Variants in ARHGEF3 observed in about 807,000 individuals in gnomAD.
ARHGEF3 encodes the protein Rho guanine nucleotide exchange factor 3, also known as 59.8 kDA protein.
ARHGEF3 carries 28 observed loss-of-function variants against 63.2 expected under a neutral mutation model. The ratio of observed to expected loss-of-function variants is 0.44; its 90% CI spans 0.33 to 0.61. ARHGEF3 has a LOEUF of 0.61. ARHGEF3 is among the 20% of genes least tolerant of loss of function. The probability of loss-of-function intolerance (pLI) is 0.03; values close to 1 mark genes in which losing one functional copy is unlikely to be tolerated. For missense variants in ARHGEF3, 533 were observed against 659.3 expected (o/e 0.81, Z 2.10); for synonymous variants, 266 against 254.2 (o/e 1.05, Z -0.44).
chr3:56,846,017 T>C (rs1420466633), intron 4 of ARHGEF3, among the ~76,000 whole-genome samples: 3 of 152,240 alleles, frequency 2.0e-5, no homozygotes, highest in African/African-American at 4.8e-5. Flanking sequence ...GCTCTCTCGC[T>C]GCTTTAAGGA....
At chr3:57,042,688 A>ATTTTTTTT (rs1560156283) in intron 1 of ARHGEF3, among the ~76,000 whole-genome samples, 4 of 8,858 alleles carry the variant, frequency 4.5e-4, no homozygotes, top group South Asian at 4.5e-3. Context: ...ATATATATAT[A>ATTTTTTTT]TATATATATA....
At chr3:57,067,729 C>T (rs1705634850) in intron 1 of ARHGEF3, among the ~76,000 whole-genome samples, 2 of 151,096 alleles carry the variant, frequency 1.3e-5, no homozygotes, top group Admixed American at 1.3e-4. Flanking sequence ...TGCCTGTAAT[C>T]CCAGCACTTT....
chr3:56,858,810 G>A (rs983133298), intron 4 of ARHGEF3, among the ~76,000 whole-genome samples: 1 of 152,138 alleles, frequency 6.6e-6, no homozygotes, highest in African/African-American at 2.4e-5. Flanking sequence ...GAGGGTGGAG[G>A]GAAATGAGGT....
chr3:57,020,890 T>G (rs1341227532), intron 2 of ARHGEF3, among the ~76,000 whole-genome samples: 1 of 152,192 alleles, frequency 6.6e-6, no homozygotes, highest in Non-Finnish European at 1.5e-5. Flanking sequence ...GAATCCTAAG[T>G]CTCTTAGTTA....
intron 2 of ARHGEF3, among the ~76,000 whole-genome samples, chr3:56,970,955 A>C (rs924506698): frequency 4.6e-5 from 7 of 152,138 alleles, no homozygotes; most frequent in African/African-American, 1.7e-4. Flanking sequence ...GGCTGTTGTG[A>C]GGAGTAGAGG....
intron 3 of ARHGEF3, among the ~76,000 whole-genome samples, chr3:56,898,016 A>G (rs917257490): frequency 1.3e-5 from 2 of 151,902 alleles, no homozygotes; most frequent in African/African-American, 4.8e-5. Context: ...AGTAGCTGGG[A>G]CTACAGGTGC....
chr3:56,833,995 C>T (rs1006771945), intron 4 of ARHGEF3, among the ~76,000 whole-genome samples: 10 of 149,828 alleles, frequency 6.7e-5, no homozygotes, highest in African/African-American at 2.5e-4. Context: ...CCTCCACCTC[C>T]CAGGTTTAAG....
intron 3 of ARHGEF3, among the ~76,000 whole-genome samples, chr3:56,754,702 G>T (rs1453376483): frequency 6.6e-6 from 1 of 152,194 alleles, no homozygotes; most frequent in African/African-American, 2.4e-5. Context: ...TAACTAAAAT[G>T]ATTATTTTTG....
chr3:56,793,001 T>A (rs897598958), intron 1 of ARHGEF3, among the ~76,000 whole-genome samples: 9 of 151,930 alleles, frequency 5.9e-5, no homozygotes, highest in Non-Finnish European at 8.8e-5. Context: ...GGTTTTTTTT[T>A]TTTTTTATTT....
chr3:56,898,050 T>C (rs1412974179), intron 3 of ARHGEF3, among the ~76,000 whole-genome samples: 1 of 151,794 alleles, frequency 6.6e-6, no homozygotes, highest in Non-Finnish European at 1.5e-5. Flanking sequence ...CTGCTAATTT[T>C]TGTATTTTTT....
chr3:56,891,198 AAT>A (rs933024714), intron 3 of ARHGEF3, among the ~76,000 whole-genome samples: 2 of 151,286 alleles, frequency 1.3e-5, no homozygotes, highest in African/African-American at 4.8e-5. Context: ...AAAAAAAAAA[AAT>A]AGAGACGAGA....
chr3:56,967,851 A>G (rs1284074102), intron 2 of ARHGEF3, among the ~76,000 whole-genome samples: 1 of 46,910 alleles, frequency 2.1e-5, no homozygotes, highest in Non-Finnish European at 4.1e-5. Context: ...ATTATTATAT[A>G]ATATATAATG....
upstream of ARHGEF3, chr3:56,801,962 C>A: frequency 7.4e-7 from 1 of 1,359,118 alleles, no homozygotes; most frequent in South Asian, 1.2e-5. Flanking sequence ...GCTCCGGAGC[C>A]GAGTGGGCGG....
chr3:56,731,898 T>C, intron 9 of ARHGEF3: 1 of 483,364 alleles, frequency 2.1e-6, no homozygotes, highest in Middle Eastern at 5.6e-4. Context: ...GGCATCCATG[T>C]AGGGACTATC....
intron 3 of ARHGEF3, among the ~76,000 whole-genome samples, chr3:56,958,175 T>G (rs1700124100): frequency 6.6e-6 from 1 of 152,150 alleles, no homozygotes; most frequent in Admixed American, 6.6e-5. Flanking sequence ...CATTGTACAC[T>G]GGTTCCCTCC....
intron 1 of ARHGEF3, among the ~76,000 whole-genome samples, chr3:56,790,824 T>G (rs189415135): frequency 1.3e-5 from 2 of 152,308 alleles, no homozygotes; most frequent in East Asian, 3.9e-4. Context: ...ACTAGCTTGT[T>G]CCCTTTTTCT....
At chr3:56,830,630 TCAC>T (rs2038901019) in intron 4 of ARHGEF3, among the ~76,000 whole-genome samples, 1 of 152,162 alleles carries the variant, frequency 6.6e-6, no homozygotes, top group Non-Finnish European at 1.5e-5. Context: ...TCCCAATTCC[TCAC>T]CACAACTGGA....
intron 2 of ARHGEF3, among the ~76,000 whole-genome samples, chr3:56,759,734 T>C (rs1196690288): frequency 6.6e-6 from 1 of 152,044 alleles, no homozygotes; most frequent in African/African-American, 2.4e-5. Context: ...TTAGTAGACA[T>C]GGGGTCTTGC....
chr3:56,973,572 C>T (rs1701011019), intron 2 of ARHGEF3, among the ~76,000 whole-genome samples: 1 of 152,048 alleles, frequency 6.6e-6, no homozygotes, highest in Non-Finnish European at 1.5e-5. Context: ...AAATCATCAG[C>T]TTGCAGACAT....
Sources: gnomAD v4.1 joint callset for allele counts (sites outside exome capture counted in the v4.1 genomes callset) on GRCh38, gnomAD v4.1.1 for gene constraint, MANE v1.5 for transcripts, NCBI Gene and HGNC (gene_info 2026-07-23, HGNC 2026-07-21) for gene names.